Variants in ARB2A observed in about 807,000 individuals in gnomAD.
ARB2A encodes ARB2 cotranscriptional regulator A.
the ARB2A span, among the ~76,000 whole-genome samples, chr5:94,004,998 C>CAAAAAAAAAAAA: frequency 9.0e-3 from 112 of 12,498 alleles, 20 homozygotes; most frequent in East Asian, 0.019. Flanking sequence ...ATTTTATCAG[C>CAAAAAAAAAAAA]AAAAAAAAAA....
At chr5:93,786,123 C>T in the ARB2A span, among the ~76,000 whole-genome samples, 1 of 152,052 alleles carries the variant, frequency 6.6e-6, no homozygotes, top group African/African-American at 2.4e-5. Flanking sequence ...GATATGTTTG[C>T]GTTTTAAAAT....
the ARB2A span, chr5:94,074,869 A>C: frequency 2.9e-6 from 2 of 692,632 alleles, no homozygotes; most frequent in Non-Finnish European, 4.7e-6. Flanking sequence ...TCTCTATGCT[A>C]ATTTCCCACT....
chr5:94,056,775 C>T, the ARB2A span, among the ~76,000 whole-genome samples: 1 of 152,088 alleles, frequency 6.6e-6, no homozygotes, highest in Non-Finnish European at 1.5e-5. Flanking sequence ...TAGAAGCACC[C>T]CAAGTGTACA....
chr5:93,619,426 C>G, the ARB2A span: 2 of 152,154 alleles, frequency 1.3e-5, no homozygotes, highest in South Asian at 2.1e-4. Flanking sequence ...GAGATATTAA[C>G]AGCTTTAAAA....
chr5:93,958,924 A>C, the ARB2A span: 1 of 1,605,862 alleles, frequency 6.2e-7, no homozygotes, highest in African/African-American at 1.3e-5. Context: ...AAGCATCCTC[A>C]CTCATAAAGA....
chr5:93,723,211 G>A, the ARB2A span, among the ~76,000 whole-genome samples: 1 of 152,094 alleles, frequency 6.6e-6, no homozygotes, highest in African/African-American at 2.4e-5. Flanking sequence ...AATCTCACCA[G>A]CTAAGGCAAC....
At chr5:93,758,150 A>G in the ARB2A span, among the ~76,000 whole-genome samples, 1 of 152,228 alleles carries the variant, frequency 6.6e-6, no homozygotes, top group Admixed American at 6.5e-5. Flanking sequence ...AGAGACAAAG[A>G]GGGACATTAT....
At chr5:93,965,989 G>A in the ARB2A span, among the ~76,000 whole-genome samples, 2 of 151,928 alleles carry the variant, frequency 1.3e-5, no homozygotes, top group African/African-American at 2.4e-5. Flanking sequence ...TAAAATGCTA[G>A]TTATTAAACT....
chr5:93,622,872 T>G, the ARB2A span, among the ~76,000 whole-genome samples: 194 of 152,264 alleles, frequency 1.3e-3, no homozygotes, highest in Middle Eastern at 0.014. Context: ...TATATATGCC[T>G]GCTTGCATCA....
the ARB2A span, among the ~76,000 whole-genome samples, chr5:93,763,713 G>T: frequency 5.4e-3 from 817 of 152,282 alleles, 6 homozygotes; most frequent in African/African-American, 0.018. Context: ...GACATTGACA[G>T]AACTCTCCAC....
the ARB2A span, among the ~76,000 whole-genome samples, chr5:94,012,327 G>A: frequency 6.6e-6 from 1 of 152,190 alleles, no homozygotes; most frequent in Non-Finnish European, 1.5e-5. Context: ...GCGTGAACCC[G>A]GGAGGCGGGG....
the ARB2A span, among the ~76,000 whole-genome samples, chr5:93,954,801 C>A: frequency 1.3e-5 from 2 of 152,158 alleles, no homozygotes; most frequent in South Asian, 2.1e-4. Context: ...TTGGCTCGTG[C>A]TGTGAGGCTT....
At chr5:94,060,566 G>A in the ARB2A span, among the ~76,000 whole-genome samples, 3 of 152,072 alleles carry the variant, frequency 2.0e-5, no homozygotes, top group Admixed American at 2.0e-4. Flanking sequence ...GTTCACTGGA[G>A]AAATCTCCAA....
the ARB2A span, among the ~76,000 whole-genome samples, chr5:93,871,758 T>A: frequency 6.6e-6 from 1 of 152,084 alleles, no homozygotes; most frequent in Admixed American, 6.6e-5. Flanking sequence ...AAAATAAATA[T>A]TTTAAAATGT....
At chr5:93,657,294 G>A in the ARB2A span, among the ~76,000 whole-genome samples, 2 of 152,146 alleles carry the variant, frequency 1.3e-5, no homozygotes, top group Admixed American at 6.6e-5. Context: ...GTTACTGTTG[G>A]TAAGATAGAT....
At chr5:93,977,950 G>A in the ARB2A span, among the ~76,000 whole-genome samples, 1 of 151,942 alleles carries the variant, frequency 6.6e-6, no homozygotes, top group South Asian at 2.1e-4. Context: ...TCAAAAAGTG[G>A]GCAAAGGTCC....
the ARB2A span, among the ~76,000 whole-genome samples, chr5:93,858,530 T>C: frequency 9.2e-5 from 14 of 152,326 alleles, 1 homozygote; most frequent in South Asian, 1.9e-3. Flanking sequence ...AGACCACTTA[T>C]ATTCCTCCAT....
At chr5:93,650,361 T>C in the ARB2A span, among the ~76,000 whole-genome samples, 1 of 152,152 alleles carries the variant, frequency 6.6e-6, no homozygotes, top group African/African-American at 2.4e-5. Flanking sequence ...TAAAGTTTGA[T>C]ATTTGAAAGA....
chr5:93,761,727 G>A, the ARB2A span, among the ~76,000 whole-genome samples: 3 of 152,222 alleles, frequency 2.0e-5, no homozygotes, highest in Non-Finnish European at 2.9e-5. Context: ...CCAGCATGCA[G>A]CTGGAGATCT....
Sources: gnomAD v4.1 joint callset for allele counts (sites outside exome capture counted in the v4.1 genomes callset) on GRCh38, gnomAD v4.1.1 for gene constraint, MANE v1.5 for transcripts, NCBI Gene and HGNC (gene_info 2026-07-23, HGNC 2026-07-21) for gene names.